The following SIPA1L1 variants were observed in gnomAD, a reference collection of about 807,000 sequenced individuals.
The protein encoded by SIPA1L1 is signal-induced proliferation-associated 1-like protein 1.
SIPA1L1 carries 26 observed loss-of-function variants against 162.7 expected under a neutral mutation model. That is an observed-to-expected ratio of 0.16 (90% CI 0.12 to 0.22). SIPA1L1 has a LOEUF of 0.22. SIPA1L1 is among the 10% of genes least tolerant of loss of function. The pLI is 1.00. For missense variants in SIPA1L1, 1,874 were observed against 2,241.0 expected (o/e 0.84, Z 3.31); for synonymous variants, 829 against 837.4 (o/e 0.99, Z 0.17).
chr14:71,475,793 A>G (rs2047801699), intron 2 of SIPA1L1, among the ~76,000 whole-genome samples: 1 of 152,232 alleles, frequency 6.6e-6, no homozygotes, highest in Non-Finnish European at 1.5e-5. Flanking sequence ...GCAACATCCA[A>G]ATTGCCCTTT....
chr14:71,612,381 G>A (rs1018644457), intron 5 of SIPA1L1, among the ~76,000 whole-genome samples: 1 of 152,148 alleles, frequency 6.6e-6, no homozygotes, highest in Non-Finnish European at 1.5e-5. Context: ...TTAGGCATGA[G>A]ATAGTAGCTA....
intron 7 of SIPA1L1, among the ~76,000 whole-genome samples, chr14:71,630,430 T>G (rs1322123323): frequency 6.6e-6 from 1 of 152,172 alleles, no homozygotes; most frequent in Non-Finnish European, 1.5e-5. Context: ...TTGGAAGACA[T>G]GCGGCTGTGG....
intron 2 of SIPA1L1, among the ~76,000 whole-genome samples, chr14:71,356,209 A>G (rs931777587): frequency 1.3e-5 from 2 of 151,944 alleles, no homozygotes; most frequent in African/African-American, 2.4e-5. Flanking sequence ...TATACCCCCA[A>G]TTTGCTTATT....
chr14:71,644,729 A>G (rs1347063866), intron 7 of SIPA1L1, among the ~76,000 whole-genome samples: 1 of 152,236 alleles, frequency 6.6e-6, no homozygotes, highest in Non-Finnish European at 1.5e-5. Context: ...TAAGTTTCCA[A>G]AAATTTAAAT....
At chr14:71,440,624 G>A (rs1205380633) in intron 2 of SIPA1L1, among the ~76,000 whole-genome samples, 4 of 125,444 alleles carry the variant, frequency 3.2e-5, no homozygotes, top group African/African-American at 9.1e-5. Context: ...ACTTCAGCTT[G>A]GGTGACAGTG....
chr14:71,338,064 G>A (rs2035279351), intron 2 of SIPA1L1, among the ~76,000 whole-genome samples: 1 of 151,984 alleles, frequency 6.6e-6, no homozygotes, highest in Admixed American at 6.6e-5. Context: ...TTCCCTCTGG[G>A]CACCAGCCCC....
At chr14:71,403,024 A>C (rs2041789205) in intron 2 of SIPA1L1, among the ~76,000 whole-genome samples, 1 of 152,162 alleles carries the variant, frequency 6.6e-6, no homozygotes, top group Non-Finnish European at 1.5e-5. Context: ...AGAGACCTTC[A>C]CATGAATAAT....
rs754944997 is a variant in SIPA1L1 at position 71,735,281 on chromosome 14, G to C, written c.5013G>C (p.Gln1671His). The change falls in exon 22 of 24, where the codon CAG becomes CAC. Residue 1671 changes from glutamine to histidine, a missense_variant. Physicochemically the swap from Gln to His is conservative, Grantham distance 24. Transcript: ENST00000381232. Reference sequence around the variant, plus strand: ...GGTTTCTTCTCTCCTTTCCAGTCCAGAGAGCCTCATTTTTTGCTGCTAGTG... The same window carrying C: ...GGTTTCTTCTCTCCTTTCCAGTCCACAGAGCCTCATTTTTTGCTGCTAGTG... ...LVDAAKAYEVQRASFFAASDE... is the reference protein window; with the variant it reads ...LVDAAKAYEVHRASFFAASDE... The C allele has an allele frequency of 6.2e-6, 10 of 1,611,574 alleles. No homozygotes were observed. In the East Asian group the frequency reaches 6.7e-5, roughly 11 times the overall value.
chr14:71,364,342 A>T (rs1378768629), intron 2 of SIPA1L1, among the ~76,000 whole-genome samples: 1 of 152,120 alleles, frequency 6.6e-6, no homozygotes, highest in Non-Finnish European at 1.5e-5. Flanking sequence ...AAACATTTCC[A>T]TCTTTCCCAA....
intron 2 of SIPA1L1, among the ~76,000 whole-genome samples, chr14:71,494,351 C>G (rs1206013755): frequency 6.6e-6 from 1 of 151,540 alleles, no homozygotes; most frequent in African/African-American, 2.4e-5. Flanking sequence ...TTTTCAAGTG[C>G]TTTTTCTGTA....
intron 17 of SIPA1L1, among the ~76,000 whole-genome samples, chr14:71,711,966 C>A (rs985647246): frequency 6.6e-6 from 1 of 152,172 alleles, no homozygotes; most frequent in South Asian, 2.1e-4. Flanking sequence ...GTATGTTGAT[C>A]TTGGCAGAGT....
chr14:71,329,258 G>A (rs968005599), intron 2 of SIPA1L1, among the ~76,000 whole-genome samples: 15 of 152,068 alleles, frequency 9.9e-5, no homozygotes, highest in African/African-American at 3.4e-4. Context: ...TAATTATTTT[G>A]TGTATATACC....
In SIPA1L1 at chr14:71,699,061, A is replaced by G. The variant is rs1407552793; in HGVS notation, c.3455A>G (p.Asn1152Ser). ...ARSQCRNSPSNLSSSSDTGSV... is the reference protein window; with the variant it reads ...ARSQCRNSPSSLSSSSDTGSV... Reference sequence around the variant, plus strand: ...TCCCAGTGTCGGAACTCTCCTAGCAACTTGTCTTCATCCAGTGATACTGGT... The same window carrying G: ...TCCCAGTGTCGGAACTCTCCTAGCAGCTTGTCTTCATCCAGTGATACTGGT... Residue 1152 changes from asparagine (N) to serine (S), a missense_variant, in exon 14 of 24, where the codon AAC (asparagine) becomes AGC (serine). Around this residue, in one of 5 missense-constraint regions of SIPA1L1, gnomAD observed 936 missense variants for 1,051.9 expected, o/e 0.89. Coordinates refer to ENST00000381232, the MANE Select transcript of SIPA1L1 (RefSeq NM_001386936.1). 5 of 1,614,030 alleles carry G rather than the reference A, an allele frequency of 3.1e-6. No homozygotes were observed. The African/African-American group carries it at 4.0e-5, about 13-fold the overall frequency.
At chr14:71,618,427 T>C (rs2039066915) in intron 5 of SIPA1L1, among the ~76,000 whole-genome samples, 1 of 152,236 alleles carries the variant, frequency 6.6e-6, no homozygotes, top group African/African-American at 2.4e-5. Flanking sequence ...AGCCTTCTCT[T>C]AGGCAAGGAA....
At chr14:71,320,842 G>A (rs1028816470) in intron 1 of SIPA1L1, among the ~76,000 whole-genome samples, 15 of 152,110 alleles carry the variant, frequency 9.9e-5, no homozygotes, top group Middle Eastern at 3.4e-3. Context: ...CGGCGCGAGC[G>A]GGGGCCCGGG....
At chr14:71,336,719 C>T (rs1004505233) in intron 2 of SIPA1L1, among the ~76,000 whole-genome samples, 1 of 152,204 alleles carries the variant, frequency 6.6e-6, no homozygotes, top group East Asian at 1.9e-4. Flanking sequence ...ACTAATCCAC[C>T]AGTGCATTCA....
chr14:71,583,014 T>C (rs1045406124), intron 4 of SIPA1L1, among the ~76,000 whole-genome samples: 2 of 152,226 alleles, frequency 1.3e-5, no homozygotes, highest in Non-Finnish European at 2.9e-5. Context: ...TAGTTTGCCT[T>C]ATTTGATTAT....
At chr14:71,352,461 C>T (rs550119184) in intron 2 of SIPA1L1, among the ~76,000 whole-genome samples, 2 of 152,286 alleles carry the variant, frequency 1.3e-5, no homozygotes, top group Admixed American at 1.3e-4. Flanking sequence ...GTTACTGTTG[C>T]TGGTTTGTGA....
At chr14:71,417,483 A>C (rs1320315502) in intron 2 of SIPA1L1, among the ~76,000 whole-genome samples, 1 of 139,030 alleles carries the variant, frequency 7.2e-6, no homozygotes, top group Admixed American at 7.2e-5. Context: ...AAAAAAAAAA[A>C]AAAAAAAAAA....
Sources: gnomAD v4.1 joint callset for allele counts (sites outside exome capture counted in the v4.1 genomes callset) on GRCh38, gnomAD v4.1.1 for gene constraint, gnomAD v4.1.1 regional missense constraint, MANE v1.5 for transcripts, NCBI Gene and HGNC (gene_info 2026-07-23, HGNC 2026-07-21) for gene names.